ADAM12: variants seen among roughly 807,000 people sequenced by gnomAD.
ADAM12 encodes disintegrin and metalloproteinase domain-containing protein 12.
A neutral mutation model predicts 106.4 loss-of-function variants in ADAM12; 70 were observed. The ratio of observed to expected loss-of-function variants is 0.66; its 90% CI spans 0.54 to 0.80. The LOEUF (loss-of-function observed/expected upper bound fraction) is 0.80, where lower values mean the gene tolerates loss of function less well. Among genes scored for constraint, ADAM12 ranks in the 30% least tolerant of loss-of-function variants. The pLI is 0.00. For synonymous variants in ADAM12, 420 were observed against 433.5 expected (o/e 0.97, Z 0.39); for missense variants, 1,010 against 1,171.9 (o/e 0.86, Z 2.02).
At chr10:126,017,682 A>G (rs1423709598) in intron 22 of ADAM12, among the ~76,000 whole-genome samples, 2 of 152,270 alleles carry the variant, frequency 1.3e-5, no homozygotes, top group Non-Finnish European at 2.9e-5. Context: ...GGTCATCATC[A>G]ATAGAAAAAA....
chr10:126,029,282 A>G (rs7092022), intron 21 of ADAM12, among the ~76,000 whole-genome samples: 36,808 of 152,126 alleles, frequency 0.24, 4,836 homozygotes, highest in East Asian at 0.32. Flanking sequence ...TCTATTATAC[A>G]CGCATGCATA....
chr10:126,141,830 T>G (rs1414480910), intron 4 of ADAM12, among the ~76,000 whole-genome samples: 1 of 152,214 alleles, frequency 6.6e-6, no homozygotes, highest in Non-Finnish European at 1.5e-5. Flanking sequence ...TAGGGGAAAT[T>G]TGTAGGGTCT....
intron 2 of ADAM12, among the ~76,000 whole-genome samples, chr10:126,311,794 G>T (rs1463755915): frequency 6.6e-6 from 1 of 152,130 alleles, no homozygotes; most frequent in African/African-American, 2.4e-5. Flanking sequence ...TCTAGACCCT[G>T]CTCTATAGGC....
chr10:126,316,354 C>T (rs1020212688), intron 2 of ADAM12, among the ~76,000 whole-genome samples: 2 of 152,122 alleles, frequency 1.3e-5, no homozygotes, highest in African/African-American at 2.4e-5. Flanking sequence ...AATCTCTAAT[C>T]GTAATTTCTT....
chr10:126,147,948 C>G (rs1956659062), intron 4 of ADAM12, among the ~76,000 whole-genome samples: 2 of 152,220 alleles, frequency 1.3e-5, no homozygotes, highest in Admixed American at 1.3e-4. Flanking sequence ...GCACTGACAG[C>G]ATCTAGCCTT....
At chr10:126,042,311 A>C in intron 18 of ADAM12, 1 of 1,558,082 alleles carries the variant, frequency 6.4e-7, no homozygotes, top group Non-Finnish European at 8.7e-7. Context: ...ACAGCACCGC[A>C]CCAGTAAACC....
At chr10:126,191,535 G>A (rs1179970465) in intron 3 of ADAM12, among the ~76,000 whole-genome samples, 1 of 151,730 alleles carries the variant, frequency 6.6e-6, no homozygotes, top group Non-Finnish European at 1.5e-5. Flanking sequence ...AGAAGGAGAT[G>A]GATCAGAGGG....
chr10:126,139,292 A>G (rs968495885), intron 4 of ADAM12, among the ~76,000 whole-genome samples: 22 of 151,996 alleles, frequency 1.4e-4, no homozygotes, highest in Admixed American at 7.9e-4. Flanking sequence ...CTGTTGGAAA[A>G]TTTTTGTTAA....
chr10:126,351,415 T>C (rs979093456), intron 1 of ADAM12, among the ~76,000 whole-genome samples: 4 of 152,172 alleles, frequency 2.6e-5, no homozygotes, highest in African/African-American at 9.7e-5. Flanking sequence ...TGGATCCCTG[T>C]CTGAAGCCTC....
rs111615759 is a variant in ADAM12 at position 126,080,475 on chromosome 10, C to T, written c.1146-8821G>A. 7.3e-4 allele frequency among the ~76,000 whole-genome samples: 111 copies of T among 152,262 alleles called. 2 individuals carry two copies. The highest frequency in any genetic ancestry group is 2.6e-3 in the African/African-American group (108 of 41,532). The stretch of plus-strand genomic sequence containing the variant: ...TACTCAGGAAAGAAGCCCTTTAGCA[C>T]GATCCTTTCCCTTGGCGTGAGAATG... On this transcript the variant is annotated intron_variant, in intron 11 of 22. Coordinates refer to ENST00000448723, the MANE Select transcript of ADAM12 (RefSeq NM_001288973.2).
In ADAM12 at chr10:126,017,357, A is replaced by G. The variant is rs1204404472; in HGVS notation, c.2661-18T>C. On this transcript the variant is annotated intron_variant, in intron 22 of 22. Transcript: ENST00000448723. ...GAGCAGGTCTGAATGAAGAGAGGAG[A>G]AAAAAAAATGATCAGAGACCTTGAG... The G allele has an allele frequency of 4.6e-6, 7 of 1,534,922 alleles. No homozygotes were observed. The highest frequency in any genetic ancestry group is 1.4e-5 in the African/African-American group (1 of 72,752).
intron 3 of ADAM12, among the ~76,000 whole-genome samples, chr10:126,231,391 GA>G (rs35139204): frequency 0.3 from 43,352 of 143,782 alleles, 6,386 homozygotes; most frequent in Admixed American, 0.35. Context: ...AGATTAGTAG[GA>G]AAAAAAAAAA....
At chr10:126,286,770 A>G (rs1038126608) in intron 2 of ADAM12, among the ~76,000 whole-genome samples, 4 of 152,224 alleles carry the variant, frequency 2.6e-5, no homozygotes, top group African/African-American at 9.7e-5. Context: ...TTGTTATTAC[A>G]TAAATAATGA....
intron 16 of ADAM12, among the ~76,000 whole-genome samples, chr10:126,046,843 G>A (rs1367902713): frequency 6.7e-6 from 1 of 149,300 alleles, no homozygotes; most frequent in Non-Finnish European, 1.5e-5. Context: ...AGGGGAGGGC[G>A]AGACAGATTA....
intron 4 of ADAM12, among the ~76,000 whole-genome samples, chr10:126,138,582 G>C (rs373392776): frequency 1.3e-5 from 2 of 152,170 alleles, no homozygotes; most frequent in East Asian, 3.9e-4. Flanking sequence ...CACCATATTG[G>C]CCAGGCTGGT....
chr10:126,168,566 G>A (rs376511741), intron 3 of ADAM12, among the ~76,000 whole-genome samples: 2 of 151,940 alleles, frequency 1.3e-5, no homozygotes, highest in African/African-American at 2.4e-5. Context: ...CCATTTCTCC[G>A]GTCCCAGCCA....
At chr10:126,197,801 T>C (rs1346514110) in intron 3 of ADAM12, among the ~76,000 whole-genome samples, 1 of 152,116 alleles carries the variant, frequency 6.6e-6, no homozygotes, top group East Asian at 1.9e-4. Context: ...GAAGTGATGC[T>C]GGTAGGGACA....
intron 3 of ADAM12, among the ~76,000 whole-genome samples, chr10:126,191,019 T>C (rs1287063136): frequency 5.9e-5 from 8 of 136,648 alleles, no homozygotes; most frequent in East Asian, 4.4e-4. Context: ...TTTTTTTTTT[T>C]CAGACAGAGT....
At chr10:126,360,998 G>T (rs1855722593) in intron 1 of ADAM12, among the ~76,000 whole-genome samples, 1 of 152,166 alleles carries the variant, frequency 6.6e-6, no homozygotes, top group South Asian at 2.1e-4. Context: ...AAAGAGAGAG[G>T]TTGTGCAGGG....
Sources: gnomAD v4.1 joint callset for allele counts (sites outside exome capture counted in the v4.1 genomes callset) on GRCh38, gnomAD v4.1.1 for gene constraint, MANE v1.5 for transcripts, NCBI Gene and HGNC (gene_info 2026-07-23, HGNC 2026-07-21) for gene names.